ELAPOR2: variants seen among roughly 807,000 people sequenced by gnomAD.
ELAPOR2 encodes the protein endosome/lysosome-associated apoptosis and autophagy regulator family member 2.
In ELAPOR2, 89 loss-of-function variants were observed where a neutral mutation model predicts 120.7. The observed-to-expected ratio is 0.74, with a 90% CI of 0.62 to 0.88. The LOEUF (loss-of-function observed/expected upper bound fraction) is 0.88, where lower values mean the gene tolerates loss of function less well. ELAPOR2 is among the 40% of genes least tolerant of loss of function. The probability of loss-of-function intolerance (pLI) is 0.00; values close to 1 mark genes in which losing one functional copy is unlikely to be tolerated. For missense variants in ELAPOR2, 1,134 were observed against 1,251.6 expected, an observed-to-expected ratio of 0.91 and a Z score of 1.42; for synonymous variants, 444 against 444.9, an observed-to-expected ratio of 1.00 and a Z score of 0.03.
intron 1 of ELAPOR2, among the ~76,000 whole-genome samples, chr7:87,004,384 C>T (rs535748881): frequency 2.6e-5 from 4 of 152,300 alleles, no homozygotes; most frequent in African/African-American, 9.6e-5. Flanking sequence ...ATACACGTTA[C>T]TCATTTCATT....
intron 1 of ELAPOR2, among the ~76,000 whole-genome samples, chr7:86,987,443 C>T (rs545488837): frequency 5.4e-4 from 82 of 152,218 alleles, no homozygotes; most frequent in Middle Eastern, 6.8e-3. Flanking sequence ...TTGCAATCTA[C>T]CCATCTGACA....
intron 8 of ELAPOR2, among the ~76,000 whole-genome samples, chr7:86,936,449 A>G (rs898078687): frequency 6.6e-6 from 1 of 152,234 alleles, no homozygotes; most frequent in East Asian, 1.9e-4. Context: ...TCAAATTCAC[A>G]TATGCAATCT....
intron 1 of ELAPOR2, among the ~76,000 whole-genome samples, chr7:86,996,651 G>T (rs766921620): frequency 6.6e-6 from 1 of 152,220 alleles, no homozygotes; most frequent in Non-Finnish European, 1.5e-5. Flanking sequence ...CACACTGGCT[G>T]CTATACAGAG....
intron 21 of ELAPOR2, among the ~76,000 whole-genome samples, chr7:86,885,513 C>G (rs1799646654): frequency 6.6e-6 from 1 of 152,146 alleles, no homozygotes; most frequent in Admixed American, 6.6e-5. Flanking sequence ...CCCTCCCAAA[C>G]TACCCCAACT....
rs1795355486 is a variant in ELAPOR2 at position 87,059,211 on chromosome 7, C to A, written c.189+114G>T. 3.3e-6 allele frequency: 4 copies of A among 1,226,894 alleles called. No homozygotes were observed. The South Asian group carries it at 1.3e-4, about 39-fold the overall frequency. 76.0% of individuals were successfully genotyped at this position (1,226,894 alleles called of 1,614,324 possible). ...CTCGAAGCAAACGAAAGCCCCTGTTCTCCAAGCAAAGGAAAAGGGGATGGC... is the reference window on the plus strand; with the variant it reads ...CTCGAAGCAAACGAAAGCCCCTGTTATCCAAGCAAAGGAAAAGGGGATGGC... On this transcript the variant is annotated intron_variant, in intron 1 of 21. Transcript: ENST00000450689.
intron 8 of ELAPOR2, among the ~76,000 whole-genome samples, chr7:86,936,131 G>T (rs1412754615): frequency 6.6e-6 from 1 of 151,968 alleles, no homozygotes; most frequent in South Asian, 2.1e-4. Flanking sequence ...CCAAAACATA[G>T]TCATTGAACA....
chr7:87,018,053 C>T (rs991494916), intron 1 of ELAPOR2, among the ~76,000 whole-genome samples: 3 of 151,950 alleles, frequency 2.0e-5, no homozygotes, highest in Non-Finnish European at 2.9e-5. Flanking sequence ...TTTTTTGAGA[C>T]AGAGTCTTGC....
chr7:87,020,039 C>T (rs543067744), intron 1 of ELAPOR2, among the ~76,000 whole-genome samples: 6 of 152,138 alleles, frequency 3.9e-5, no homozygotes, highest in Non-Finnish European at 7.4e-5. Flanking sequence ...TCTTATAACA[C>T]ATCAGAAAGT....
At chr7:86,995,673 A>G (rs1426350750) in intron 1 of ELAPOR2, among the ~76,000 whole-genome samples, 3 of 152,214 alleles carry the variant, frequency 2.0e-5, no homozygotes, top group Admixed American at 6.5e-5. Flanking sequence ...TGATCTGGAA[A>G]TGGGACAAGA....
chr7:87,038,685 G>A (rs1158534134), intron 1 of ELAPOR2, among the ~76,000 whole-genome samples: 1 of 152,056 alleles, frequency 6.6e-6, no homozygotes, highest in East Asian at 1.9e-4. Context: ...GCTCCTGAAT[G>A]ACCAGTGGGT....
intron 2 of ELAPOR2, 134 bp downstream of exon 2, chr7:86,964,770 T>A: frequency 1.2e-6 from 1 of 838,722 alleles, no homozygotes; most frequent in Non-Finnish European, 1.8e-6. Flanking sequence ...AGGCTGCATT[T>A]ATTCTGCTGG....
intron 1 of ELAPOR2, among the ~76,000 whole-genome samples, chr7:86,983,336 A>G (rs1413875614): frequency 6.6e-6 from 1 of 152,168 alleles, no homozygotes; most frequent in African/African-American, 2.4e-5. Context: ...AATATAGAGA[A>G]CACCAGAAAG....
At position 86,893,104 on chromosome 7, in the gene ELAPOR2, T is replaced by C. The variant is rs996309447; in HGVS notation, c.2686-4A>G. On this transcript the variant is annotated splice_polypyrimidine_tract_variant and splice_region_variant and intron_variant, in intron 19 of 21. Transcript: ENST00000450689. ...CATTCCACACATACAAGGTTTCCTTTAAAAAAAAAAACATAAAACCATAGA... is the reference window on the plus strand; with the variant it reads ...CATTCCACACATACAAGGTTTCCTTCAAAAAAAAAAACATAAAACCATAGA... 2 of 1,227,390 alleles carry C rather than the reference T, an allele frequency of 1.6e-6. No individual in the cohort carries two copies. Among genetic ancestry groups the C allele is most frequent in the Admixed American group, 3.0e-5 (1 of 33,780 alleles). The allele number at this position is 1,227,390 out of a possible 1,614,324, so 76.0% of individuals were successfully genotyped here. A position where few individuals can be genotyped will look rare whatever the true frequency, so the allele number is the denominator to read the frequency against.
rs2788868 is a variant in ELAPOR2 at position 86,939,205 on chromosome 7, A to T, written c.848-245T>A. On this transcript the variant is annotated intron_variant, in intron 6 of 21. Coordinates refer to ENST00000450689, the MANE Select transcript of ELAPOR2 (RefSeq NM_001142749.3). Reference sequence around the variant, plus strand: ...GGTATAATACTTGTATTAACTGAGCAGTCAAAAGACAACTCCACTAACTCA... The same window carrying T: ...GGTATAATACTTGTATTAACTGAGCTGTCAAAAGACAACTCCACTAACTCA... Among the ~76,000 whole-genome samples the T allele has an allele frequency of 0.46, 69,335 of 151,978 alleles. 19,540 individuals are homozygous for T. Among genetic ancestry groups the T allele is most frequent in the African/African-American group, 0.81 (33,525 of 41,434 alleles).
chr7:86,930,665 G>A (rs558332199), intron 8 of ELAPOR2, among the ~76,000 whole-genome samples: 18 of 152,020 alleles, frequency 1.2e-4, no homozygotes, highest in African/African-American at 4.1e-4. Context: ...ATAGCCTAAT[G>A]CCTCCTTCGA....
chr7:86,876,914 T>A lies in ELAPOR2; in HGVS notation c.*3557A>T, dbSNP rs1050585393. ...TTTAACTGAAACTCAAATTTCAGTG[T>A]CCATAAATAAAGTTTTATTGGAATG... is the stretch of plus-strand genomic sequence containing the variant. On this transcript the variant is annotated 3_prime_UTR_variant, in exon 22 of 22. Coordinates refer to ENST00000450689, the MANE Select transcript of ELAPOR2 (RefSeq NM_001142749.3). 1.1e-4 allele frequency: 17 copies of A among 152,152 alleles called. No individual in the cohort carries two copies. The highest frequency in any genetic ancestry group is 4.1e-4 in the African/African-American group (17 of 41,440). The allele number at this position is 152,152 out of a possible 1,614,324, so 9.4% of individuals were successfully genotyped here.
intron 1 of ELAPOR2, among the ~76,000 whole-genome samples, chr7:86,970,458 G>T (rs986728746): frequency 2.0e-5 from 3 of 152,234 alleles, no homozygotes; most frequent in African/African-American, 7.2e-5. Flanking sequence ...TGGGAGAAAG[G>T]CTTCCGAATT....
chr7:87,053,965 A>G (rs1424302242), intron 1 of ELAPOR2, among the ~76,000 whole-genome samples: 1 of 152,164 alleles, frequency 6.6e-6, no homozygotes, highest in African/African-American at 2.4e-5. Flanking sequence ...TAATTGCATG[A>G]TGTGTGGTTT....
intron 18 of ELAPOR2, among the ~76,000 whole-genome samples, chr7:86,900,826 T>A (rs139638589): frequency 1.3e-5 from 2 of 152,100 alleles, no homozygotes; most frequent in African/African-American, 4.8e-5. Context: ...ATTTTTAGTA[T>A]GAAAATAGAA....
Sources: allele counts gnomAD v4.1 joint callset (sites outside exome capture counted in the v4.1 genomes callset), GRCh38; gene constraint gnomAD v4.1.1; transcripts MANE v1.5; gene names NCBI Gene and HGNC (gene_info 2026-07-23, HGNC 2026-07-21).